Variants in USP54 observed in about 807,000 individuals in gnomAD.
USP54 encodes the protein ubiquitin carboxyl-terminal hydrolase 54.
In USP54, 87 loss-of-function variants were observed where a neutral mutation model predicts 170.5. The observed-to-expected ratio is 0.51, with a 90% CI of 0.43 to 0.61. The LOEUF (loss-of-function observed/expected upper bound fraction) is 0.61. Among genes scored for constraint, USP54 ranks in the 20% least tolerant of loss-of-function variants. The probability of loss-of-function intolerance (pLI) is 0.00; values close to 1 mark genes in which losing one functional copy is unlikely to be tolerated. For missense variants in USP54, 1,786 were observed against 2,047.8 expected (o/e 0.87, Z 2.47); for synonymous variants, 655 against 742.8 (o/e 0.88, Z 1.92).
intron 1 of USP54, among the ~76,000 whole-genome samples, chr10:73,605,214 G>A (rs1035758191): frequency 3.3e-5 from 5 of 152,072 alleles, no homozygotes; most frequent in Non-Finnish European, 5.9e-5. Flanking sequence ...ACAGGCCCCC[G>A]CCACCATGCC....
chr10:73,499,943 A>G (rs936597522), intron 23 of USP54: 1 of 152,270 alleles, frequency 6.6e-6, no homozygotes, highest in Non-Finnish European at 1.5e-5. Flanking sequence ...TTGGCCTAAA[A>G]TAGTTCAGCT....
intron 14 of USP54, 111 bp downstream of exon 14, chr10:73,530,032 C>G (rs77988908): frequency 6.7e-7 from 1 of 1,498,502 alleles, no homozygotes; most frequent in Non-Finnish European, 8.9e-7. Flanking sequence ...CTAAAACACC[C>G]GACATCAGAG....
chr10:73,537,752 T>TAAAAAAAAAAAAAAA (rs11285755), intron 10 of USP54: 1 of 129,984 alleles, frequency 7.7e-6, no homozygotes. Context: ...ACACACACAT[T>TAAAAAAAAAAAAAAA]AAAAAAAAAA....
At chr10:73,539,337 G>T in intron 10 of USP54, 107 bp downstream of exon 10, 115 of 585,544 alleles carry the variant, frequency 2.0e-4, no homozygotes, top group Non-Finnish European at 2.7e-4. Flanking sequence ...TTATAGAAAT[G>T]TGGGGAGGTC....
chr10:73,533,780 T>C (rs12354842), intron 12 of USP54, among the ~76,000 whole-genome samples: 2,527 of 152,336 alleles, frequency 0.017, 42 homozygotes, highest in Non-Finnish European at 0.026. Flanking sequence ...AAGAATATTC[T>C]CTGCATGGAA....
At chr10:73,527,774 T>C (rs1279076961) in intron 15 of USP54, among the ~76,000 whole-genome samples, 1 of 126,602 alleles carries the variant, frequency 7.9e-6, no homozygotes, top group Non-Finnish European at 1.6e-5. Flanking sequence ...CTGAGGTGGG[T>C]AAATCACTTG....
chr10:73,571,555 T>C, intron 3 of USP54, 42 bp from the exon 4 acceptor site: 1 of 1,506,910 alleles, frequency 6.6e-7, no homozygotes, highest in Non-Finnish European at 9.2e-7. Flanking sequence ...TATAAAAAGC[T>C]ACCATTTAAT....
At chr10:73,542,069 A>C (rs1261876270) in intron 7 of USP54, among the ~76,000 whole-genome samples, 1 of 152,214 alleles carries the variant, frequency 6.6e-6, no homozygotes, top group Non-Finnish European at 1.5e-5. Flanking sequence ...TTCAGCAATA[A>C]GGATATAAAA....
chr10:73,529,650 C>G, intron 15 of USP54, 30 bp downstream of exon 15: 1 of 1,613,630 alleles, frequency 6.2e-7, no homozygotes, highest in Non-Finnish European at 8.5e-7. Flanking sequence ...CTGCAAGAGA[C>G]AATGTTGCTG....
chr10:73,596,055 G>A (rs546042538), upstream of USP54, among the ~76,000 whole-genome samples: 25 of 150,702 alleles, frequency 1.7e-4, no homozygotes, highest in African/African-American at 5.9e-4. Context: ...AGGTTGCAGT[G>A]AGCTGAGATG....
intron 12 of USP54, among the ~76,000 whole-genome samples, chr10:73,534,269 C>T (rs577363535): frequency 5.4e-4 from 82 of 151,818 alleles, no homozygotes; most frequent in Middle Eastern, 6.8e-3. Context: ...TGCAGTGGCA[C>T]GATCCCAGCT....
rs1408744111 is a variant in USP54, at chr10:73,576,266, T to C, written c.-486A>G. The C allele has an allele frequency of 6.6e-6, 1 of 152,208 alleles. No individual in the cohort carries two copies. Among genetic ancestry groups the C allele is most frequent in the African/African-American group, 2.4e-5 (1 of 41,458 alleles). 9.4% of individuals were successfully genotyped at this position (152,208 alleles called of 1,614,324 possible). A position where few individuals can be genotyped will look rare whatever the true frequency, so the allele number is the denominator to read the frequency against. On this transcript the variant is annotated 5_prime_UTR_variant, in exon 2 of 24. Coordinates refer to ENST00000687698, the MANE Select transcript of USP54 (RefSeq NM_001391956.1). ...TTTTTGTTGATGTTCTTGCTGCTTC[T>C]TTTTAATGTGCCCCAAACTTCTATT...
chr10:73,515,943 C>T (rs994531718), intron 20 of USP54: 16 of 156,056 alleles, frequency 1.0e-4, no homozygotes, highest in African/African-American at 2.2e-4. Context: ...CCACCACGCC[C>T]GGCTAATTTT....
At chr10:73,538,280 T>C (rs1219148792) in intron 10 of USP54, 2 of 152,220 alleles carry the variant, frequency 1.3e-5, no homozygotes, top group Admixed American at 6.5e-5. Context: ...AGTAAATTTC[T>C]TTGATGCCTA....
At chr10:73,625,381 G>A (rs2081446444) in intron 1 of USP54, among the ~76,000 whole-genome samples, 1 of 152,032 alleles carries the variant, frequency 6.6e-6, no homozygotes, top group African/African-American at 2.4e-5. Context: ...GAAAGGAGGC[G>A]GCGACGATCT....
At chr10:73,541,770 G>C (rs2066646209) in intron 7 of USP54, 32 bp from the exon 8 acceptor site, 1 of 1,599,534 alleles carries the variant, frequency 6.3e-7, no homozygotes, top group African/African-American at 1.3e-5. Flanking sequence ...GGGGATGATG[G>C]TTTGTATTTA....
intron 4 of USP54, among the ~76,000 whole-genome samples, chr10:73,569,911 A>C: frequency 9.2e-6 from 1 of 109,022 alleles, no homozygotes; most frequent in African/African-American, 3.5e-5. Flanking sequence ...CCAAAAAAAA[A>C]AAAAAAAAAA....
rs1478676112 is a variant in USP54, at chr10:73,536,400, A to G, written c.1013T>C (p.Ile338Thr). ...PKWKDVVTKCIKGHYQPLLLL... is the reference protein window; with the variant it reads ...PKWKDVVTKCTKGHYQPLLLL... Reference sequence around the variant, plus strand: ...CAGCAGGGGCTGATAATGCCCCTTGATGCATTTGGTCACCACATCCTTCCA... The same window carrying G: ...CAGCAGGGGCTGATAATGCCCCTTGGTGCATTTGGTCACCACATCCTTCCA... The change falls in exon 11 of 24, where the codon ATC becomes ACC. Residue 338 changes from isoleucine (I) to threonine (T), a missense_variant. Physicochemically the swap from Ile to Thr is moderately conservative, Grantham distance 89. This residue lies in a region of USP54 where 361 missense variants were observed against 455.0 expected (regional missense o/e 0.79). Coordinates refer to ENST00000687698, the MANE Select transcript of USP54 (RefSeq NM_001391956.1). The G allele has an allele frequency of 6.3e-7, 1 of 1,587,030 alleles. No homozygotes were observed. Among genetic ancestry groups the G allele is most frequent in the Non-Finnish European group, 8.6e-7 (1 of 1,166,560 alleles).
chr10:73,607,091 C>T (rs2079709449), intron 1 of USP54, among the ~76,000 whole-genome samples: 1 of 151,762 alleles, frequency 6.6e-6, no homozygotes, highest in Admixed American at 6.6e-5. Flanking sequence ...AGGAGGATAG[C>T]TTGAGCCCAG....
Sources: gnomAD v4.1 joint callset for allele counts (sites outside exome capture counted in the v4.1 genomes callset) on GRCh38, gnomAD v4.1.1 for gene constraint, gnomAD v4.1.1 regional missense constraint, MANE v1.5 for transcripts, NCBI Gene and HGNC (gene_info 2026-07-23, HGNC 2026-07-21) for gene names.